The following KAT6B variants were observed in gnomAD, a reference collection of about 807,000 sequenced individuals.
KAT6B encodes the protein lysine acetyltransferase 6B.
A neutral mutation model predicts 187.5 loss-of-function variants in KAT6B; 10 were observed. The ratio of observed to expected loss-of-function variants is 0.05; its 90% CI spans 0.03 to 0.09. The LOEUF (loss-of-function observed/expected upper bound fraction) is 0.09. KAT6B is among the 10% of genes least tolerant of loss of function. The probability of loss-of-function intolerance (pLI) is 1.00; values close to 1 mark genes in which losing one functional copy is unlikely to be tolerated. For synonymous variants in KAT6B, 861 were observed against 926.8 expected, an observed-to-expected ratio of 0.93 and a Z score of 1.29; for missense variants, 1,952 against 2,558.9, an observed-to-expected ratio of 0.76 and a Z score of 5.12.
At chr10:75,022,895 G>C (rs1845545769) in intron 16 of KAT6B, among the ~76,000 whole-genome samples, 1 of 152,212 alleles carries the variant, frequency 6.6e-6, no homozygotes, top group African/African-American at 2.4e-5. Flanking sequence ...TTGCACTCCA[G>C]CCTGGGCAAC....
chr10:74,838,923 A>G (rs1359527513), intron 2 of KAT6B, among the ~76,000 whole-genome samples, 171 bp downstream of exon 2: 1 of 152,052 alleles, frequency 6.6e-6, no homozygotes, highest in African/African-American at 2.4e-5. Flanking sequence ...GGGAGGCCGA[A>G]GTGGGCGGAT....
chr10:75,025,208 G>A lies in KAT6B; in HGVS notation c.3623G>A (p.Gly1208Glu). ...AAAAGACAAACAGAGGAAGAGGAAG[G>A]AAAAGACAATCATTGCTTCAAGAAT... is the stretch of plus-strand genomic sequence containing the variant. Reference protein sequence around the residue: ...GKKRQTEEEEGKDNHCFKNAD... With the variant: ...GKKRQTEEEEEKDNHCFKNAD... Residue 1208 changes from glycine to glutamate, a missense_variant, in exon 17 of 18, where the codon GGA becomes GAA. Gly to Glu is a moderately conservative substitution (Grantham distance 98). Transcript: ENST00000287239. 1.9e-6 allele frequency: 3 copies of A among 1,614,032 alleles called. No individual in the cohort carries two copies. Among genetic ancestry groups the A allele is most frequent in the Non-Finnish European group, 2.5e-6 (3 of 1,179,906 alleles).
intron 3 of KAT6B, among the ~76,000 whole-genome samples, chr10:74,928,732 T>G (rs150539109): frequency 6.6e-6 from 1 of 152,296 alleles, no homozygotes; most frequent in African/African-American, 2.4e-5. Flanking sequence ...ACCCTTTTCT[T>G]GAAAAATTAA....
chr10:74,899,471 C>T (rs1846235191), intron 3 of KAT6B, among the ~76,000 whole-genome samples: 2 of 152,022 alleles, frequency 1.3e-5, no homozygotes, highest in African/African-American at 4.8e-5. Context: ...GATGGGGTTT[C>T]ACCACGTTGG....
chr10:74,861,719 G>T (rs1362492515), intron 3 of KAT6B, among the ~76,000 whole-genome samples: 1 of 152,114 alleles, frequency 6.6e-6, no homozygotes, highest in Non-Finnish European at 1.5e-5. Flanking sequence ...TTCATATTAG[G>T]TTCTTATAAA....
At chr10:74,913,867 C>A (rs1053749186) in intron 3 of KAT6B, among the ~76,000 whole-genome samples, 6 of 152,160 alleles carry the variant, frequency 3.9e-5, no homozygotes, top group Non-Finnish European at 8.8e-5. Context: ...GTATAGTAGA[C>A]CTGTTTTCAA....
chr10:74,850,527 A>G (rs1240417756), intron 3 of KAT6B, among the ~76,000 whole-genome samples: 1 of 152,198 alleles, frequency 6.6e-6, no homozygotes, highest in Non-Finnish European at 1.5e-5. Flanking sequence ...ATTGGGTATT[A>G]CCACACTGGC....
intron 13 of KAT6B, among the ~76,000 whole-genome samples, chr10:75,008,218 C>T (rs899345304): frequency 6.6e-6 from 1 of 152,150 alleles, no homozygotes; most frequent in African/African-American, 2.4e-5. Flanking sequence ...AAAGAAGAGA[C>T]ACTGCAGCAT....
chr10:74,884,638 G>A (rs978292174), intron 3 of KAT6B, among the ~76,000 whole-genome samples: 10 of 151,594 alleles, frequency 6.6e-5, no homozygotes, highest in African/African-American at 2.4e-4. Flanking sequence ...GCGTGATCTG[G>A]GCTCACTGCA....
At position 75,022,149 on chromosome 10, in the gene KAT6B, AAG is replaced by A. The variant is rs2134169162; in HGVS notation, c.3292_3293del (p.Glu1098ArgfsTer38). The A allele has an allele frequency of 9.1e-7, 1 of 1,096,606 alleles. No individual in the cohort carries two copies. The allele number at this position is 1,096,606 out of a possible 1,614,324, so 67.9% of individuals were successfully genotyped here. A position where few individuals can be genotyped will look rare whatever the true frequency, so the allele number is the denominator to read the frequency against. On this transcript the variant is annotated frameshift_variant, in exon 16 of 18. Coordinates refer to ENST00000287239, the MANE Select transcript of KAT6B (RefSeq NM_012330.4). LOFTEE classifies it high-confidence loss of function. ...GAGGATGAAGAGGAGGAAGAAGAGG[AAG>A]AAGAAGAAGAAGAAGAAGAAAATAT...
At chr10:74,904,588 T>C (rs1473570876) in intron 3 of KAT6B, among the ~76,000 whole-genome samples, 2 of 152,152 alleles carry the variant, frequency 1.3e-5, no homozygotes, top group Non-Finnish European at 2.9e-5. Flanking sequence ...AAAATTCTGC[T>C]CCCACACTTG....
At chr10:74,826,570 G>A (rs980028291), upstream of KAT6B, 3 of 153,306 alleles carry the variant, frequency 2.0e-5, no homozygotes, top group African/African-American at 7.2e-5. Context: ...CCGCGACTCG[G>A]GTTTAATGAG....
At chr10:74,903,549 A>G (rs1442357939) in intron 3 of KAT6B, among the ~76,000 whole-genome samples, 1 of 152,222 alleles carries the variant, frequency 6.6e-6, no homozygotes, top group Non-Finnish European at 1.5e-5. Flanking sequence ...CCTCAGTCCT[A>G]CAACCGCTAG....
chr10:75,017,558 G>A (rs942354429), intron 13 of KAT6B, among the ~76,000 whole-genome samples: 4 of 152,078 alleles, frequency 2.6e-5, no homozygotes, highest in South Asian at 2.1e-4. Context: ...AGGTTGCATC[G>A]AGCCCATATC....
intron 3 of KAT6B, among the ~76,000 whole-genome samples, chr10:74,944,740 C>T (rs979987391): frequency 3.9e-5 from 5 of 128,390 alleles, no homozygotes; most frequent in African/African-American, 1.5e-4. Context: ...GCCCAGGGGG[C>T]GGAGCTTGCA....
chr10:74,879,605 C>A (rs1844702393), intron 3 of KAT6B, among the ~76,000 whole-genome samples: 1 of 152,202 alleles, frequency 6.6e-6, no homozygotes, highest in South Asian at 2.1e-4. Flanking sequence ...ACTTTGCCAG[C>A]AGCCTGGGAT....
At chr10:74,892,676 G>C (rs1279093416) in intron 3 of KAT6B, among the ~76,000 whole-genome samples, 4 of 152,152 alleles carry the variant, frequency 2.6e-5, no homozygotes, top group African/African-American at 9.7e-5. Flanking sequence ...CTAGTCATTA[G>C]AGAAAGGCCT....
At chr10:74,934,394 A>G (rs1339478106) in intron 3 of KAT6B, among the ~76,000 whole-genome samples, 1 of 152,122 alleles carries the variant, frequency 6.6e-6, no homozygotes, top group Admixed American at 6.5e-5. Context: ...AAAATCCACT[A>G]AACTCAGCAC....
At chr10:74,944,488 C>T (rs762962846) in intron 3 of KAT6B, among the ~76,000 whole-genome samples, 7 of 152,156 alleles carry the variant, frequency 4.6e-5, no homozygotes, top group Non-Finnish European at 7.4e-5. Flanking sequence ...GGCCATTAAG[C>T]ACATGAACAA....
Sources: gnomAD v4.1 joint callset for allele counts (sites outside exome capture counted in the v4.1 genomes callset) on GRCh38, gnomAD v4.1.1 for gene constraint, MANE v1.5 for transcripts, NCBI Gene and HGNC (gene_info 2026-07-23, HGNC 2026-07-21) for gene names.